The following EDNRA variants were observed in gnomAD, a reference collection of about 807,000 sequenced individuals.
The protein encoded by EDNRA is endothelin-1 receptor.
Under a neutral mutation model 41.4 loss-of-function variants are expected in EDNRA, and 11 were observed. The ratio of observed to expected loss-of-function variants is 0.27; its 90% confidence interval spans 0.17 to 0.44. The LOEUF is 0.44. EDNRA is among the 20% of genes least tolerant of loss of function. The pLI is 1.00. For missense variants in EDNRA, 294 were observed against 531.0 expected (o/e 0.55, Z 4.39); for synonymous variants, 172 against 183.0 (o/e 0.94, Z 0.49).
chr4:147,512,713 A>T (rs1163622763), intron 2 of EDNRA, among the ~76,000 whole-genome samples: 1 of 152,204 alleles, frequency 6.6e-6, no homozygotes, highest in Non-Finnish European at 1.5e-5. Flanking sequence ...CAGGGGACAA[A>T]GTCACCCGAG....
chr4:147,538,177 T>G (rs1730977860), intron 5 of EDNRA, among the ~76,000 whole-genome samples: 1 of 152,174 alleles, frequency 6.6e-6, no homozygotes, highest in African/African-American at 2.4e-5. Flanking sequence ...ACTGTTTTGC[T>G]GATCTTTGCT....
At chr4:147,534,091 A>G (rs1730837958) in intron 4 of EDNRA, among the ~76,000 whole-genome samples, 1 of 151,772 alleles carries the variant, frequency 6.6e-6, no homozygotes, top group Non-Finnish European at 1.5e-5. Flanking sequence ...GAGATGCATT[A>G]CCCATTTCTC....
At chr4:147,488,414 T>C (rs1366752548) in intron 2 of EDNRA, 1 of 152,262 alleles carries the variant, frequency 6.6e-6, no homozygotes, top group Admixed American at 6.5e-5. Context: ...TATTTGACCA[T>C]ATTGTTCTCC....
intron 2 of EDNRA, among the ~76,000 whole-genome samples, chr4:147,498,294 T>C (rs1729385765): frequency 6.6e-6 from 1 of 152,186 alleles, no homozygotes; most frequent in African/African-American, 2.4e-5. Context: ...CACGGTAATA[T>C]TTTCATTAAT....
chr4:147,522,581 T>C (rs928249833), intron 3 of EDNRA, among the ~76,000 whole-genome samples: 1 of 151,746 alleles, frequency 6.6e-6, no homozygotes, highest in Non-Finnish European at 1.5e-5. Context: ...ACTGTGATAG[T>C]TGGTGTGTTA....
At chr4:147,482,451 T>G (rs768014715) in intron 1 of EDNRA, among the ~76,000 whole-genome samples, 3 of 152,206 alleles carry the variant, frequency 2.0e-5, no homozygotes, top group Non-Finnish European at 4.4e-5. Context: ...CCTGAGATGC[T>G]TCACTAGCGC....
intron 2 of EDNRA, chr4:147,490,820 T>C (rs1305102128): frequency 1.3e-5 from 2 of 152,198 alleles, no homozygotes; most frequent in Non-Finnish European, 2.9e-5. Flanking sequence ...CTTGGCACCA[T>C]GTAGCTTCAG....
At chr4:147,539,277 AC>A (rs1287227662) in intron 5 of EDNRA, among the ~76,000 whole-genome samples, 1 of 152,034 alleles carries the variant, frequency 6.6e-6, no homozygotes, top group Non-Finnish European at 1.5e-5. Context: ...TAGTGCTATG[AC>A]TTTTCCTTTT....
chr4:147,492,875 C>T (rs1729186242), intron 2 of EDNRA: 1 of 152,166 alleles, frequency 6.6e-6, no homozygotes, highest in Non-Finnish European at 1.5e-5. Context: ...AGCTCTACCT[C>T]CCCTTCTGAC....
Position 147,486,402 on chromosome 4 carries a change from T to C in EDNRA, c.420+301T>C, listed in dbSNP as rs1728947821. The stretch of plus-strand genomic sequence containing the variant: ...GGCTTGCTGGTTGGATAGGCTGTCT[T>C]GGCAAGATCCCTGGATTTTTATGAA... On this transcript the variant is annotated intron_variant, in intron 2 of 7. Coordinates refer to ENST00000651419, the MANE Select transcript of EDNRA (RefSeq NM_001957.4). This position sits in a 1 kb window ranked among gnomAD's most constrained non-coding sequence, Gnocchi z 4.3. Among the ~76,000 whole-genome samples, 1 of 152,148 alleles carries C rather than the reference T, an allele frequency of 6.6e-6. No individual in the cohort carries two copies. The highest frequency in any genetic ancestry group is 2.4e-5 in the African/African-American group (1 of 41,442).
At chr4:147,496,530 CAT>C (rs1157447229) in intron 2 of EDNRA, among the ~76,000 whole-genome samples, 2 of 152,184 alleles carry the variant, frequency 1.3e-5, no homozygotes, top group African/African-American at 4.8e-5. Context: ...AAAATGAACA[CAT>C]GTGTAACCAG....
At chr4:147,501,898 GTGTC>G (rs1378265185) in intron 2 of EDNRA, among the ~76,000 whole-genome samples, 2 of 152,184 alleles carry the variant, frequency 1.3e-5, no homozygotes, top group Non-Finnish European at 2.9e-5. Flanking sequence ...CATAGGTCAA[GTGTC>G]TGTATTACTT....
chr4:147,531,291 T>C (rs749851987), intron 3 of EDNRA, among the ~76,000 whole-genome samples: 4 of 152,164 alleles, frequency 2.6e-5, no homozygotes, highest in Non-Finnish European at 4.4e-5. Flanking sequence ...TAAATAAGTT[T>C]TATCTGCTCT....
At chr4:147,483,987 C>A (rs1212480588) in intron 1 of EDNRA, among the ~76,000 whole-genome samples, 1 of 152,058 alleles carries the variant, frequency 6.6e-6, no homozygotes, top group Non-Finnish European at 1.5e-5. Context: ...TCCCAAAGTG[C>A]TGAGATTATA....
At chr4:147,536,645 G>C (rs1408237660) in intron 5 of EDNRA, among the ~76,000 whole-genome samples, 2 of 152,180 alleles carry the variant, frequency 1.3e-5, no homozygotes, top group Non-Finnish European at 2.9e-5. Flanking sequence ...ATGGGAAAAA[G>C]GAGATGAACC....
chr4:147,531,946 C>T (rs1485917453), intron 3 of EDNRA, among the ~76,000 whole-genome samples: 2 of 148,198 alleles, frequency 1.3e-5, no homozygotes, highest in East Asian at 4.0e-4. Context: ...GGAGGCGGAG[C>T]TTGCAGTGAG....
At position 147,506,761 on chromosome 4, in the gene EDNRA, A is replaced by G. The variant is rs1476070154; in HGVS notation, c.421-13090A>G. ...CATCACCAAGGAGAAGAAATGAGTGATTAAGATGGCTCCTAGCCAGCATGT... is the reference window on the plus strand; with the variant it reads ...CATCACCAAGGAGAAGAAATGAGTGGTTAAGATGGCTCCTAGCCAGCATGT... On this transcript the variant is annotated intron_variant, in intron 2 of 7. Transcript: ENST00000651419. 2.4e-5 allele frequency: 7 copies of G among 286,936 alleles called. No individual in the cohort carries two copies. In the East Asian group the frequency reaches 6.8e-4, roughly 28 times the overall value. The allele number at this position is 286,936 out of a possible 1,614,324, so 17.8% of individuals were successfully genotyped here. A position where few individuals can be genotyped will look rare whatever the true frequency, so the allele number is the denominator to read the frequency against.
chr4:147,499,391 A>G (rs1232005364), intron 2 of EDNRA, among the ~76,000 whole-genome samples: 6 of 152,218 alleles, frequency 3.9e-5, no homozygotes, highest in Non-Finnish European at 1.5e-5. Context: ...AAAATAAATA[A>G]TGAAGGGACC....
intron 5 of EDNRA, 26 bp downstream of exon 5, chr4:147,536,055 C>T: frequency 6.2e-7 from 1 of 1,613,284 alleles, no homozygotes; most frequent in Non-Finnish European, 8.5e-7. Flanking sequence ...TCATGAAAAT[C>T]TGGCCAGGAC....
Sources: gnomAD v4.1 joint callset for allele counts (sites outside exome capture counted in the v4.1 genomes callset) on GRCh38, gnomAD v4.1.1 for gene constraint, Gnocchi (gnomAD v3.1) non-coding constraint, MANE v1.5 for transcripts, NCBI Gene and HGNC (gene_info 2026-07-23, HGNC 2026-07-21) for gene names.